RBFOX3: variants seen among roughly 807,000 people sequenced by gnomAD.
RBFOX3 encodes the protein RNA binding protein fox-1 homolog 3.
Under a neutral mutation model 48.7 loss-of-function variants are expected in RBFOX3, and 17 were observed. That is an observed-to-expected ratio of 0.35 (90% confidence interval 0.24 to 0.52). RBFOX3 has a LOEUF of 0.52. Ranked by LOEUF, RBFOX3 falls within the 20% of genes least tolerant of loss-of-function variation. The pLI is 0.94. For missense variants in RBFOX3, 382 were observed against 497.5 expected, an observed-to-expected ratio of 0.77 and a Z score of 2.21; for synonymous variants, 212 against 209.5, an observed-to-expected ratio of 1.01 and a Z score of -0.10.
At chr17:79,140,365 AC>A (rs1340809511) in intron 4 of RBFOX3, among the ~76,000 whole-genome samples, 1 of 152,172 alleles carries the variant, frequency 6.6e-6, no homozygotes, top group Non-Finnish European at 1.5e-5. Flanking sequence ...TGGAGGGTGA[AC>A]CCTGTATGAT....
intron 2 of RBFOX3, among the ~76,000 whole-genome samples, chr17:79,397,482 G>A (rs2062152634): frequency 1.4e-5 from 2 of 147,500 alleles, no homozygotes; most frequent in Non-Finnish European, 3.0e-5. Flanking sequence ...AACAGAGGAG[G>A]ACTCCATCCC....
chr17:79,593,908 G>A (rs2093494300), intron 1 of RBFOX3, among the ~76,000 whole-genome samples: 1 of 152,172 alleles, frequency 6.6e-6, no homozygotes, highest in African/African-American at 2.4e-5. Flanking sequence ...GCTGGCACTT[G>A]TTGGGGGTGG....
chr17:79,465,794 G>A lies in RBFOX3; in HGVS notation c.-175+16660C>T, dbSNP rs910525327. ...TTCAGCCCCCGGTGGCCTCTCATCC[G>A]CCCAGCAGGGAGTAGGCACGGGATC... On this transcript the variant is annotated intron_variant, in intron 2 of 14. Transcript: ENST00000693108. Among the ~76,000 whole-genome samples the A allele has an allele frequency of 1.8e-4, 28 of 152,160 alleles. 1 individual carries two copies. Among genetic ancestry groups the A allele is most frequent in the Non-Finnish European group, 1.5e-5 (1 of 68,018 alleles).
At chr17:79,614,455 C>T (rs1599295660), upstream of RBFOX3, among the ~76,000 whole-genome samples, 2 of 134,842 alleles carry the variant, frequency 1.5e-5, no homozygotes, top group East Asian at 2.0e-4. Flanking sequence ...ACTCCCTGCT[C>T]GGAGCTGCCA....
At chr17:79,162,968 G>T (rs921303197) in intron 4 of RBFOX3, among the ~76,000 whole-genome samples, 3 of 152,226 alleles carry the variant, frequency 2.0e-5, no homozygotes, top group Non-Finnish European at 2.9e-5. Flanking sequence ...GGAGGAGACC[G>T]AGGTCTGTGA....
chr17:79,286,768 A>T (rs974740847), intron 3 of RBFOX3, among the ~76,000 whole-genome samples: 1 of 152,186 alleles, frequency 6.6e-6, no homozygotes, highest in Non-Finnish European at 1.5e-5. Context: ...TTAACATAGA[A>T]GCTGGAGAGG....
At chr17:79,620,411 G>A in the RBFOX3 span, among the ~76,000 whole-genome samples, 46 of 131,874 alleles carry the variant, frequency 3.5e-4, no homozygotes, top group African/African-American at 5.8e-4. Flanking sequence ...GCACACACAC[G>A]GACATGCACA....
At chr17:79,655,713 T>C in the RBFOX3 span, among the ~76,000 whole-genome samples, 4 of 152,158 alleles carry the variant, frequency 2.6e-5, no homozygotes, top group Non-Finnish European at 5.9e-5. Context: ...GTATGGCCCA[T>C]GATCTCTCTA....
At chr17:79,642,001 G>T in the RBFOX3 span, among the ~76,000 whole-genome samples, 1 of 152,078 alleles carries the variant, frequency 6.6e-6, no homozygotes, top group Non-Finnish European at 1.5e-5. Flanking sequence ...GCAGAACTGT[G>T]AACCAATTAA....
At chr17:79,395,084 C>T (rs959275123) in intron 2 of RBFOX3, among the ~76,000 whole-genome samples, 2 of 152,240 alleles carry the variant, frequency 1.3e-5, no homozygotes, top group East Asian at 1.9e-4. Flanking sequence ...GATCCAGGCC[C>T]GCAAAGCAGT....
At chr17:79,266,995 C>T (rs879844541) in intron 3 of RBFOX3, among the ~76,000 whole-genome samples, 2 of 152,160 alleles carry the variant, frequency 1.3e-5, no homozygotes, top group Non-Finnish European at 1.5e-5. Context: ...GAACCTGAGG[C>T]GGTCATGGGA....
chr17:79,492,567 T>A (rs1204362664), intron 1 of RBFOX3, among the ~76,000 whole-genome samples: 2 of 152,182 alleles, frequency 1.3e-5, no homozygotes, highest in Non-Finnish European at 2.9e-5. Flanking sequence ...AGCCTTCCCA[T>A]GCCTGCGGCC....
At chr17:79,384,186 C>G (rs1053254679) in intron 2 of RBFOX3, among the ~76,000 whole-genome samples, 1 of 152,172 alleles carries the variant, frequency 6.6e-6, no homozygotes. Flanking sequence ...TGTCGGAAAA[C>G]AAAGAGGGTT....
chr17:79,169,789 A>G (rs910685491), intron 4 of RBFOX3, among the ~76,000 whole-genome samples: 1 of 152,250 alleles, frequency 6.6e-6, no homozygotes, highest in Non-Finnish European at 1.5e-5. Flanking sequence ...TTCAGGAACT[A>G]GAAGTGGCGA....
At chr17:79,494,447 C>T in intron 1 of RBFOX3, among the ~76,000 whole-genome samples, 1 of 152,344 alleles carries the variant, frequency 6.6e-6, no homozygotes, top group South Asian at 2.1e-4. Context: ...CAGGCTGGCA[C>T]CCCCTCTTGT....
At chr17:79,348,687 T>A (rs2083336429) in intron 2 of RBFOX3, among the ~76,000 whole-genome samples, 1 of 149,392 alleles carries the variant, frequency 6.7e-6, no homozygotes, top group Non-Finnish European at 1.5e-5. Context: ...TTCAAGTGAT[T>A]CTCCTGCCTC....
At chr17:79,632,201 G>T in the RBFOX3 span, among the ~76,000 whole-genome samples, 1 of 152,178 alleles carries the variant, frequency 6.6e-6, no homozygotes, top group African/African-American at 2.4e-5. Flanking sequence ...ATTCTGAACA[G>T]AATTTAATAT....
intron 4 of RBFOX3, among the ~76,000 whole-genome samples, chr17:79,182,440 T>C (rs1219430808): frequency 6.6e-6 from 1 of 152,134 alleles, no homozygotes; most frequent in Non-Finnish European, 1.5e-5. Context: ...CCGAGGGGCC[T>C]GGGGGAGACG....
chr17:79,150,444 C>T (rs2044168546), intron 4 of RBFOX3, among the ~76,000 whole-genome samples: 1 of 152,146 alleles, frequency 6.6e-6, no homozygotes, highest in African/African-American at 2.4e-5. Context: ...TGTTCCCCAG[C>T]CCAGGAGGTT....
Sources: gnomAD v4.1 joint callset for allele counts (sites outside exome capture counted in the v4.1 genomes callset) on GRCh38, gnomAD v4.1.1 for gene constraint, MANE v1.5 for transcripts, NCBI Gene and HGNC (gene_info 2026-07-23, HGNC 2026-07-21) for gene names.